The following DPP6 variants were observed in gnomAD, a reference collection of about 807,000 sequenced individuals.
DPP6 encodes the protein dipeptidyl peptidase like 6.
In DPP6, 69 loss-of-function variants were observed where a neutral mutation model predicts 122.6. That is an observed-to-expected ratio of 0.56 (90% CI 0.46 to 0.69). The LOEUF (loss-of-function observed/expected upper bound fraction) is 0.69. Ranked by LOEUF, DPP6 falls within the 30% of genes least tolerant of loss-of-function variation. The pLI is 0.00. For synonymous variants in DPP6, 418 were observed against 433.1 expected, an observed-to-expected ratio of 0.97 and a Z score of 0.43; for missense variants, 928 against 1,116.9, an observed-to-expected ratio of 0.83 and a Z score of 2.41.
chr7:154,182,416 G>A (rs1028271163), intron 1 of DPP6, among the ~76,000 whole-genome samples: 4 of 152,148 alleles, frequency 2.6e-5, no homozygotes, highest in Non-Finnish European at 5.9e-5. Flanking sequence ...CATGCCAGAG[G>A]AAAGAGAGCT....
intron 17 of DPP6, among the ~76,000 whole-genome samples, chr7:154,867,355 G>A (rs1023620348): frequency 3.2e-4 from 49 of 152,178 alleles, no homozygotes; most frequent in Admixed American, 3.2e-3. Flanking sequence ...AGGCACAAAG[G>A]TCCAGCGCAT....
At chr7:154,280,453 T>C (rs1011828649) in intron 1 of DPP6, among the ~76,000 whole-genome samples, 10 of 152,186 alleles carry the variant, frequency 6.6e-5, no homozygotes, top group South Asian at 2.1e-4. Flanking sequence ...AGCCTCCCCC[T>C]TCCATCTTCG....
At chr7:154,349,283 C>T (rs1281776705) in intron 1 of DPP6, among the ~76,000 whole-genome samples, 3 of 152,220 alleles carry the variant, frequency 2.0e-5, no homozygotes, top group Non-Finnish European at 4.4e-5. Flanking sequence ...TCAAGTGATG[C>T]TTCTGCCTCA....
chr7:154,433,320 T>A (rs867339765), intron 1 of DPP6, among the ~76,000 whole-genome samples: 12 of 75,486 alleles, frequency 1.6e-4, no homozygotes, highest in Middle Eastern at 6.3e-3. Flanking sequence ...CCTGACTAAT[T>A]TTTGCATTTT....
intron 3 of DPP6, among the ~76,000 whole-genome samples, chr7:154,538,585 C>A (rs1404919111): frequency 6.6e-6 from 1 of 152,150 alleles, no homozygotes; most frequent in Non-Finnish European, 1.5e-5. Context: ...CCATTGAAGG[C>A]AAACTTGATA....
intron 3 of DPP6, among the ~76,000 whole-genome samples, chr7:154,497,239 C>T (rs73729312): frequency 2.0e-5 from 3 of 152,054 alleles, no homozygotes; most frequent in Admixed American, 2.0e-4. Context: ...TTGTACTATA[C>T]CTTCAACCTG....
chr7:154,366,677 G>A (rs561675663), intron 1 of DPP6, among the ~76,000 whole-genome samples: 1 of 152,318 alleles, frequency 6.6e-6, no homozygotes, highest in African/African-American at 2.4e-5. Context: ...TCAGCAGAAT[G>A]TTTTAAATCA....
At chr7:154,507,019 G>A (rs1336610817) in intron 3 of DPP6, among the ~76,000 whole-genome samples, 1 of 152,154 alleles carries the variant, frequency 6.6e-6, no homozygotes, top group Non-Finnish European at 1.5e-5. Context: ...GTTTGCCAAA[G>A]CCTCCAGCAG....
chr7:154,100,949 G>A (rs1381201873), intron 1 of DPP6, among the ~76,000 whole-genome samples: 29 of 142,756 alleles, frequency 2.0e-4, no homozygotes, highest in African/African-American at 4.7e-4. Context: ...GACCCCAAAC[G>A]AGGCTCACCT....
At chr7:154,694,599 T>TGAGAC (rs1340651067) in intron 7 of DPP6, among the ~76,000 whole-genome samples, 1 of 151,342 alleles carries the variant, frequency 6.6e-6, no homozygotes, top group Non-Finnish European at 1.5e-5. Context: ...GCAACAAGAG[T>TGAGAC]GAGACTCCAT....
At chr7:154,803,558 C>G (rs1274729548) in intron 13 of DPP6, among the ~76,000 whole-genome samples, 1 of 152,220 alleles carries the variant, frequency 6.6e-6, no homozygotes, top group Non-Finnish European at 1.5e-5. Flanking sequence ...ATTGATTCTC[C>G]TCCTGAGATG....
intron 1 of DPP6, among the ~76,000 whole-genome samples, chr7:154,374,616 T>TTTTCTTTTTCTTTTC (rs1812966571): frequency 6.6e-6 from 1 of 151,664 alleles, no homozygotes; most frequent in Non-Finnish European, 1.5e-5. Context: ...TTTTTCTTTT[T>TTTTCTTTTTCTTTTC]TTCTTTTTTT....
At chr7:154,252,021 CT>C (rs1481454994) in intron 1 of DPP6, among the ~76,000 whole-genome samples, 1 of 152,164 alleles carries the variant, frequency 6.6e-6, no homozygotes, top group Non-Finnish European at 1.5e-5. Flanking sequence ...ACAAGAGCAC[CT>C]TGTGAAATAA....
Position 153,939,604 on chromosome 7 carries a change from T to C in DPP6, c.51+51870T>C, listed in dbSNP as rs577086440. The stretch of plus-strand genomic sequence containing the variant: ...CTCCCCAAAGACTGGTTTCTTTGAA[T>C]GGTTTCATTCATTTGCTTGCCATTT... On this transcript the variant is annotated intron_variant, in intron 1 of 25. Transcript: ENST00000404039. Among the ~76,000 whole-genome samples, 8 of 152,376 alleles carry C rather than the reference T, an allele frequency of 5.3e-5. No individual in the cohort carries two copies. The East Asian group carries it at 1.5e-3, about 29-fold the overall frequency.
Position 154,091,713 on chromosome 7 carries a change from C to A in DPP6, c.243+38650C>A, listed in dbSNP as rs1006977217. Among the ~76,000 whole-genome samples the A allele has an allele frequency of 5.9e-5, 9 of 152,242 alleles. No homozygotes were observed. In the East Asian group the frequency reaches 9.7e-4, roughly 16 times the overall value. On this transcript the variant is annotated intron_variant, in intron 1 of 25. Coordinates refer to ENST00000377770, the MANE Select transcript of DPP6 (RefSeq NM_130797.4). ...CTGCCTTCCTCACCTCCTCTTCCCC[C>A]CCTCACCACGTGGCCTCAGGAGATA...
At chr7:154,265,768 A>G (rs1284689457) in intron 1 of DPP6, among the ~76,000 whole-genome samples, 2 of 152,156 alleles carry the variant, frequency 1.3e-5, no homozygotes, top group Non-Finnish European at 2.9e-5. Flanking sequence ...GTTTTATTGT[A>G]TTTCTTTTTA....
At chr7:154,825,643 ACTTGCGCATGG>A (rs1800092494) in intron 16 of DPP6, among the ~76,000 whole-genome samples, 1 of 152,134 alleles carries the variant, frequency 6.6e-6, no homozygotes, top group African/African-American at 2.4e-5. Flanking sequence ...AGGGCCCAGG[ACTTGCGCATGG>A]CTAGTTAAGA....
intron 8 of DPP6, among the ~76,000 whole-genome samples, chr7:154,765,884 T>G (rs1273005038): frequency 1.3e-5 from 2 of 152,258 alleles, no homozygotes; most frequent in Non-Finnish European, 2.9e-5. Flanking sequence ...ATAGGTTTTC[T>G]TCTGCAAAAC....
At chr7:154,671,537 C>T (rs935625028) in intron 7 of DPP6, among the ~76,000 whole-genome samples, 8 of 152,150 alleles carry the variant, frequency 5.3e-5, no homozygotes, top group African/African-American at 1.4e-4. Context: ...GCAAATAAAC[C>T]GGGTCCCGTA....
Sources: allele counts gnomAD v4.1 joint callset (sites outside exome capture counted in the v4.1 genomes callset), GRCh38; gene constraint gnomAD v4.1.1; transcripts MANE v1.5; gene names NCBI Gene and HGNC (gene_info 2026-07-23, HGNC 2026-07-21).